The following HPSE2 variants were observed in gnomAD, a reference collection of about 807,000 sequenced individuals.
HPSE2 encodes heparanase 2 (inactive), also known as inactive heparanase-2.
HPSE2 carries 38 observed loss-of-function variants against 60.5 expected under a neutral mutation model. That is an observed-to-expected ratio of 0.63 (90% confidence interval 0.48 to 0.82). The LOEUF is 0.82. Ranked by LOEUF, HPSE2 falls within the 40% of genes least tolerant of loss-of-function variation. HPSE2 has a pLI of 0.00. For missense variants in HPSE2, 713 were observed against 740.4 expected, an observed-to-expected ratio of 0.96 and a Z score of 0.43; for synonymous variants, 295 against 293.2, an observed-to-expected ratio of 1.01 and a Z score of -0.06.
chr10:98,813,070 T>C (rs947370661), intron 3 of HPSE2, among the ~76,000 whole-genome samples: 8 of 152,178 alleles, frequency 5.3e-5, no homozygotes, highest in Non-Finnish European at 1.2e-4. Context: ...ATTATTGGTC[T>C]TGGCTTTCTC....
intron 7 of HPSE2, among the ~76,000 whole-genome samples, chr10:98,624,264 A>C (rs965978149): frequency 5.3e-5 from 8 of 152,172 alleles, no homozygotes; most frequent in Admixed American, 5.2e-4. Context: ...ATTTGACAAG[A>C]GGGTAAGGTC....
intron 3 of HPSE2, among the ~76,000 whole-genome samples, chr10:99,044,010 A>G (rs543154638): frequency 1.4e-4 from 21 of 152,268 alleles, no homozygotes; most frequent in African/African-American, 5.1e-4. Context: ...AAGAAATACA[A>G]AGGACCCTGG....
At chr10:99,145,698 T>C (rs1935665) in intron 2 of HPSE2, among the ~76,000 whole-genome samples, 74,650 of 151,730 alleles carry the variant, frequency 0.49, 20,818 homozygotes, top group East Asian at 0.65. Flanking sequence ...TTGACACCAA[T>C]GATTTTGGAA....
chr10:99,091,812 A>G (rs1007611053), intron 3 of HPSE2, among the ~76,000 whole-genome samples: 4 of 152,066 alleles, frequency 2.6e-5, no homozygotes, highest in Non-Finnish European at 5.9e-5. Flanking sequence ...TCATCCTTTT[A>G]CCACATTCTC....
chr10:98,520,657 A>G (rs1432206281), intron 9 of HPSE2, among the ~76,000 whole-genome samples: 1 of 152,170 alleles, frequency 6.6e-6, no homozygotes, highest in Non-Finnish European at 1.5e-5. Flanking sequence ...TGATATTAGG[A>G]TTTACGTGAT....
chr10:99,264,748 G>A, the HPSE2 span, among the ~76,000 whole-genome samples: 4 of 151,946 alleles, frequency 2.6e-5, no homozygotes, highest in African/African-American at 9.7e-5. Context: ...ATACAAAACT[G>A]CCTCCAGGTC....
In HPSE2 at chr10:99,014,065, C is replaced by T. The variant is rs577002194; in HGVS notation, c.610+130173G>A. 19 of 183,786 alleles carry T rather than the reference C, an allele frequency of 1.0e-4. No individual in the cohort carries two copies. The East Asian group carries it at 2.5e-3, about 25-fold the overall frequency. The allele number at this position is 183,786 out of a possible 1,614,324, so 11.4% of individuals were successfully genotyped here. ...GAGCCTCTGCCTCTGCAGCTGCTCC[C>T]GCCCTGGTTGCTGGCCCACTTCCAG... On this transcript the variant is annotated intron_variant, in intron 3 of 11. Coordinates refer to ENST00000370552, the MANE Select transcript of HPSE2 (RefSeq NM_021828.5).
intron 9 of HPSE2, among the ~76,000 whole-genome samples, chr10:98,493,864 T>G (rs1026945004): frequency 1.3e-5 from 2 of 152,228 alleles, no homozygotes; most frequent in Non-Finnish European, 2.9e-5. Flanking sequence ...GTACCTCCTT[T>G]CCTATATCAC....
chr10:98,473,505 G>A (rs12249537), intron 11 of HPSE2, among the ~76,000 whole-genome samples: 23,876 of 95,274 alleles, frequency 0.25, 3,197 homozygotes, highest in African/African-American at 0.44. Flanking sequence ...AAAAAAAAAA[G>A]AAGGCAGAAA....
At chr10:99,075,154 C>T (rs755946839) in intron 3 of HPSE2, among the ~76,000 whole-genome samples, 13 of 151,998 alleles carry the variant, frequency 8.6e-5, no homozygotes, top group Non-Finnish European at 1.8e-4. Context: ...TTTTTTAATA[C>T]AGACATTTAT....
the HPSE2 span, among the ~76,000 whole-genome samples, chr10:99,314,927 C>G: frequency 3.9e-5 from 6 of 152,078 alleles, no homozygotes; most frequent in African/African-American, 1.4e-4. Context: ...GGTCTTTCTT[C>G]AATTTGGTTG....
intron 3 of HPSE2, among the ~76,000 whole-genome samples, chr10:98,879,871 G>GTGTC (rs1252838294): frequency 6.6e-6 from 1 of 151,478 alleles, no homozygotes; most frequent in Non-Finnish European, 1.5e-5. Context: ...GTGTGTGTGT[G>GTGTC]TGTGTGTGTG....
At chr10:98,984,037 G>C (rs1365752004) in intron 3 of HPSE2, among the ~76,000 whole-genome samples, 5 of 152,200 alleles carry the variant, frequency 3.3e-5, no homozygotes, top group Admixed American at 3.3e-4. Context: ...AAGGAGGCCT[G>C]CCTGCCTCTG....
chr10:99,071,372 T>C (rs1167521700), intron 3 of HPSE2, among the ~76,000 whole-genome samples: 1 of 152,104 alleles, frequency 6.6e-6, no homozygotes, highest in Admixed American at 6.6e-5. Flanking sequence ...GCCTGGCCTA[T>C]TTTTAATTTT....
chr10:98,573,161 T>C (rs1944546964), intron 9 of HPSE2, among the ~76,000 whole-genome samples: 2 of 152,240 alleles, frequency 1.3e-5, no homozygotes, highest in South Asian at 4.1e-4. Flanking sequence ...GAGGATTCAC[T>C]AGTGCAAGTA....
intron 9 of HPSE2, among the ~76,000 whole-genome samples, chr10:98,559,160 T>C (rs1325587327): frequency 1.3e-5 from 2 of 152,180 alleles, no homozygotes; most frequent in East Asian, 3.9e-4. Context: ...CCTGAGCAGC[T>C]GGGATTACAG....
chr10:98,512,717 G>A (rs1942453777), intron 9 of HPSE2, among the ~76,000 whole-genome samples: 1 of 151,118 alleles, frequency 6.6e-6, no homozygotes, highest in African/African-American at 2.4e-5. Context: ...TAAGGATGTT[G>A]GTGGTTTTCT....
chr10:99,011,543 G>T (rs1393408783), intron 3 of HPSE2, among the ~76,000 whole-genome samples: 1 of 151,854 alleles, frequency 6.6e-6, no homozygotes, highest in Non-Finnish European at 1.5e-5. Flanking sequence ...AGATCACGAC[G>T]TCAAGAGATA....
At position 98,482,664 on chromosome 10, in the gene HPSE2, G is replaced by A. The variant is rs1323102290; in HGVS notation, c.1585C>T (p.Pro529Ser). ...DKLVHQYLLQPYGQEGLKSKS... is the reference protein window; with the variant it reads ...DKLVHQYLLQSYGQEGLKSKS... ...GACTTTAGGCCCTCCTGCCCATAGG[G>A]CTGCAGCAGGTACTGGTGAACCAGC... Residue 529 changes from proline to serine, a missense_variant, in exon 11 of 12, where the codon CCC becomes TCC. Physicochemically the swap from Pro to Ser is moderately conservative, Grantham distance 74 (BLOSUM62 -1). Transcript: ENST00000370552. The A allele has an allele frequency of 1.2e-6, 2 of 1,614,170 alleles. No individual in the cohort carries two copies. The highest frequency in any genetic ancestry group is 1.7e-6 in the Non-Finnish European group (2 of 1,180,028).
Sources: allele counts gnomAD v4.1 joint callset (sites outside exome capture counted in the v4.1 genomes callset), GRCh38; gene constraint gnomAD v4.1.1; transcripts MANE v1.5; gene names NCBI Gene and HGNC (gene_info 2026-07-23, HGNC 2026-07-21).